The following FBXL17 variants were observed in gnomAD, a reference collection of about 807,000 sequenced individuals.
FBXL17 encodes the protein F-box and leucine rich repeat protein 17, also known as F-box/LRR-repeat protein 17.
In FBXL17, 22 loss-of-function variants were observed where a neutral mutation model predicts 66.2. That is an observed-to-expected ratio of 0.33 (90% confidence interval 0.24 to 0.47). The LOEUF (loss-of-function observed/expected upper bound fraction) is 0.47, where lower values mean the gene tolerates loss of function less well. FBXL17 is among the 20% of genes least tolerant of loss of function. The pLI is 1.00. For synonymous variants in FBXL17, 474 were observed against 400.5 expected (o/e 1.18, Z -2.19); for missense variants, 878 against 948.2 (o/e 0.93, Z 0.97).
At chr5:108,209,945 T>A (rs1416719016) in intron 5 of FBXL17, among the ~76,000 whole-genome samples, 4 of 151,894 alleles carry the variant, frequency 2.6e-5, no homozygotes, top group Non-Finnish European at 4.4e-5. Context: ...GGTCCCAGAC[T>A]TTTTTTTGGT....
At chr5:108,368,014 G>T in intron 1 of FBXL17, 61 bp from the exon 2 acceptor site, 3 of 1,436,170 alleles carry the variant, frequency 2.1e-6, no homozygotes, top group African/African-American at 2.9e-5. Context: ...ACAGGAAAAG[G>T]TTTTTATTAG....
chr5:107,968,367 T>C (rs544419750), intron 7 of FBXL17, among the ~76,000 whole-genome samples: 71 of 152,236 alleles, frequency 4.7e-4, no homozygotes, highest in Non-Finnish European at 8.2e-4. Context: ...CTTATGTATA[T>C]AAAGTAAACC....
chr5:108,229,989 C>T (rs1336231368), intron 4 of FBXL17, among the ~76,000 whole-genome samples: 2 of 152,068 alleles, frequency 1.3e-5, no homozygotes, highest in African/African-American at 4.8e-5. Context: ...CACTAATGAT[C>T]AGGGAAATGT....
At chr5:108,330,240 C>G (rs767375935) in intron 4 of FBXL17, among the ~76,000 whole-genome samples, 18 of 152,096 alleles carry the variant, frequency 1.2e-4, no homozygotes, top group Non-Finnish European at 2.2e-4. Context: ...TGTTTCTTCT[C>G]CCAAATACCA....
intron 6 of FBXL17, among the ~76,000 whole-genome samples, chr5:108,172,801 T>A (rs948137912): frequency 1.3e-5 from 2 of 152,176 alleles, no homozygotes; most frequent in African/African-American, 4.8e-5. Flanking sequence ...CTTTATTTTA[T>A]TTGTTTATTG....
rs185854514 is a variant in FBXL17 at position 108,277,821 on chromosome 5, T to A, written c.1507-53593A>T. Among the ~76,000 whole-genome samples the A allele has an allele frequency of 8.5e-5, 13 of 152,344 alleles. No homozygotes were observed. In the East Asian group the frequency reaches 2.5e-3, roughly 29 times the overall value. On this transcript the variant is annotated intron_variant, in intron 4 of 8. Coordinates refer to ENST00000542267, the MANE Select transcript of FBXL17 (RefSeq NM_001163315.3). ...GTTTCCAGTGCATATAAAAGGTGTGTTTATACTACACTGTATTCTATTAAG... is the reference window on the plus strand; with the variant it reads ...GTTTCCAGTGCATATAAAAGGTGTGATTATACTACACTGTATTCTATTAAG...
intron 4 of FBXL17, among the ~76,000 whole-genome samples, chr5:108,314,633 C>A (rs1459709617): frequency 1.3e-5 from 2 of 150,662 alleles, no homozygotes; most frequent in South Asian, 2.1e-4. Flanking sequence ...AGAAATTAGG[C>A]CAAAAAAATA....
At position 108,332,738 on chromosome 5, in the gene FBXL17, G is replaced by C. The variant is rs191781231; in HGVS notation, c.1506+15661C>G. On this transcript the variant is annotated intron_variant, in intron 4 of 8. Transcript: ENST00000542267. ...TCTTCCTGCCTCAGCCTCCCAAGTA[G>C]CTGGGATTATGGTTGTGCACCATCA... Among the ~76,000 whole-genome samples, 62 of 152,000 alleles carry C rather than the reference G, an allele frequency of 4.1e-4. 1 individual carries two copies. Among genetic ancestry groups the C allele is most frequent in the African/African-American group, 1.5e-3 (61 of 41,468 alleles).
chr5:108,156,365 C>T (rs987818799), intron 6 of FBXL17, among the ~76,000 whole-genome samples: 9 of 151,848 alleles, frequency 5.9e-5, no homozygotes, highest in Non-Finnish European at 8.8e-5. Flanking sequence ...ATTGTATATA[C>T]TCAACATAGG....
chr5:107,877,303 T>C (rs1748643425), intron 8 of FBXL17, among the ~76,000 whole-genome samples: 1 of 152,222 alleles, frequency 6.6e-6, no homozygotes, highest in South Asian at 2.1e-4. Flanking sequence ...GCAGTTTAGC[T>C]TAGCCCTTGT....
intron 5 of FBXL17, among the ~76,000 whole-genome samples, chr5:108,223,248 C>T (rs1013653708): frequency 2.6e-5 from 4 of 152,080 alleles, no homozygotes; most frequent in African/African-American, 4.8e-5. Context: ...AAACTGTAAG[C>T]TCAAAGAGAT....
chr5:108,082,912 T>C (rs373350818), intron 6 of FBXL17, among the ~76,000 whole-genome samples: 2 of 152,036 alleles, frequency 1.3e-5, no homozygotes, highest in East Asian at 3.9e-4. Context: ...TCAGTAGGAG[T>C]TGGATAATAA....
chr5:107,920,692 C>A (rs1750286616), intron 7 of FBXL17, among the ~76,000 whole-genome samples: 1 of 152,116 alleles, frequency 6.6e-6, no homozygotes, highest in Non-Finnish European at 1.5e-5. Flanking sequence ...CTGTATAGCA[C>A]CTTTTATAAA....
intron 6 of FBXL17, among the ~76,000 whole-genome samples, chr5:108,136,008 G>C (rs1346936116): frequency 6.6e-6 from 1 of 152,076 alleles, no homozygotes; most frequent in African/African-American, 2.4e-5. Flanking sequence ...GAGCAACAAT[G>C]GTTGCTGTTT....
chr5:108,117,792 C>T (rs1394995970), intron 6 of FBXL17, among the ~76,000 whole-genome samples: 2 of 152,100 alleles, frequency 1.3e-5, no homozygotes, highest in Admixed American at 6.5e-5. Flanking sequence ...TTTGAGAAGG[C>T]CTGCAATTAA....
At chr5:107,925,178 C>A (rs755215459) in intron 7 of FBXL17, among the ~76,000 whole-genome samples, 2 of 152,148 alleles carry the variant, frequency 1.3e-5, no homozygotes, top group Non-Finnish European at 1.5e-5. Context: ...CAAACAATTA[C>A]CTGTAATGGT....
intron 8 of FBXL17, among the ~76,000 whole-genome samples, chr5:107,874,758 G>T (rs1291851974): frequency 6.6e-6 from 1 of 152,170 alleles, no homozygotes; most frequent in African/African-American, 2.4e-5. Context: ...AGGTTGAAAG[G>T]TAACCTCTGA....
At chr5:108,357,887 A>AC (rs1005573199) in intron 3 of FBXL17, among the ~76,000 whole-genome samples, 1 of 39,066 alleles carries the variant, frequency 2.6e-5, no homozygotes, top group African/African-American at 2.5e-4. Context: ...ATAAAAATAA[A>AC]ACATCAAAAT....
At chr5:108,224,474 T>G (rs1311681832) in intron 4 of FBXL17, among the ~76,000 whole-genome samples, 22 of 151,982 alleles carry the variant, frequency 1.4e-4, no homozygotes, top group Admixed American at 1.4e-3. Flanking sequence ...ACTGGCTACC[T>G]CCAATTCTTT....
Sources: gnomAD v4.1 joint callset for allele counts (sites outside exome capture counted in the v4.1 genomes callset) on GRCh38, gnomAD v4.1.1 for gene constraint, MANE v1.5 for transcripts, NCBI Gene and HGNC (gene_info 2026-07-23, HGNC 2026-07-21) for gene names.